The following GRM7 variants were observed in gnomAD, a reference collection of about 807,000 sequenced individuals.
The protein encoded by GRM7 is metabotropic glutamate receptor 7.
GRM7 carries 35 observed loss-of-function variants against 84.5 expected under a neutral mutation model. The observed-to-expected ratio is 0.41, with a 90% CI of 0.32 to 0.55. The LOEUF (loss-of-function observed/expected upper bound fraction) is 0.55. Among genes scored for constraint, GRM7 ranks in the 20% least tolerant of loss-of-function variants. The pLI is 0.19. For missense variants in GRM7, 1,003 were observed against 1,194.6 expected, an observed-to-expected ratio of 0.84 and a Z score of 2.36; for synonymous variants, 487 against 455.1, an observed-to-expected ratio of 1.07 and a Z score of -0.89.
chr3:7,244,475 C>T (rs1697682160), intron 2 of GRM7, among the ~76,000 whole-genome samples: 1 of 152,058 alleles, frequency 6.6e-6, no homozygotes, highest in Non-Finnish European at 1.5e-5. Context: ...ACTTCAAAGT[C>T]TCAGCAGATA....
intron 2 of GRM7, among the ~76,000 whole-genome samples, chr3:7,178,547 G>T (rs1015599894): frequency 8.5e-5 from 13 of 152,194 alleles, no homozygotes; most frequent in African/African-American, 2.9e-4. Context: ...TGTTTGGTTT[G>T]TATAGGTTTA....
At chr3:7,611,053 C>A (rs1011751007) in intron 8 of GRM7, among the ~76,000 whole-genome samples, 3 of 152,094 alleles carry the variant, frequency 2.0e-5, no homozygotes, top group African/African-American at 7.2e-5. Context: ...TATTGAATAG[C>A]CTTGTGTCTT....
chr3:7,119,516 A>G (rs1039651994), intron 1 of GRM7, among the ~76,000 whole-genome samples: 1 of 152,182 alleles, frequency 6.6e-6, no homozygotes, highest in Non-Finnish European at 1.5e-5. Flanking sequence ...AACATAAAAC[A>G]ATTACACTCT....
intron 4 of GRM7, among the ~76,000 whole-genome samples, chr3:7,349,869 T>G (rs1037550180): frequency 6.6e-5 from 10 of 152,140 alleles, no homozygotes; most frequent in African/African-American, 2.4e-4. Flanking sequence ...TTAGGTTAGA[T>G]TCCTCCTCTT....
intron 1 of GRM7, among the ~76,000 whole-genome samples, chr3:6,929,598 G>GTCTA (rs1490719353): frequency 2.0e-5 from 3 of 152,030 alleles, no homozygotes; most frequent in African/African-American, 7.2e-5. Flanking sequence ...GATTACCAGT[G>GTCTA]CATATTGTCT....
intron 1 of GRM7, among the ~76,000 whole-genome samples, chr3:7,090,392 T>C (rs1212159168): frequency 2.0e-5 from 3 of 152,020 alleles, no homozygotes; most frequent in African/African-American, 7.2e-5. Flanking sequence ...TAAGTGACAC[T>C]GAGAATGAGA....
At chr3:7,371,554 A>G (rs891674329) in intron 4 of GRM7, among the ~76,000 whole-genome samples, 3 of 152,308 alleles carry the variant, frequency 2.0e-5, no homozygotes, top group African/African-American at 4.8e-5. Flanking sequence ...GATTGTTTAT[A>G]ATGTGCTAGG....
rs111370266 is a variant in GRM7, at chr3:7,624,537, C to A, written c.2451+45180C>A. Among the ~76,000 whole-genome samples, 332 of 152,208 alleles carry A rather than the reference C, an allele frequency of 2.2e-3. 5 individuals are homozygous for A. Among genetic ancestry groups the A allele is most frequent in the African/African-American group, 7.7e-3 (318 of 41,524 alleles). On this transcript the variant is annotated intron_variant, in intron 8 of 9. Coordinates refer to ENST00000357716, the MANE Select transcript of GRM7 (RefSeq NM_000844.4). ...ATATATTGCTTCCAGGATGCACAAC[C>A]CTTCCCAGACACTACAAAATTGTAA...
At chr3:7,592,457 A>G (rs1021503948) in intron 8 of GRM7, among the ~76,000 whole-genome samples, 2 of 152,188 alleles carry the variant, frequency 1.3e-5, no homozygotes, top group East Asian at 3.9e-4. Context: ...TGTCAAGGCT[A>G]TTTGGGAAAT....
intron 2 of GRM7, among the ~76,000 whole-genome samples, chr3:7,199,221 A>G (rs184270692): frequency 1.0e-3 from 153 of 152,312 alleles, no homozygotes; most frequent in Middle Eastern, 6.8e-3. Context: ...TCTCTTGGGA[A>G]TCTGTTCACC....
intron 1 of GRM7, among the ~76,000 whole-genome samples, chr3:6,879,450 A>G (rs1695429159): frequency 6.6e-6 from 1 of 152,072 alleles, no homozygotes; most frequent in Non-Finnish European, 1.5e-5. Context: ...AACACACTAC[A>G]CCCTTACCTG....
intron 4 of GRM7, among the ~76,000 whole-genome samples, chr3:7,334,137 A>G (rs1469253944): frequency 6.6e-6 from 1 of 152,124 alleles, no homozygotes; most frequent in Non-Finnish European, 1.5e-5. Context: ...TAAAAAGATG[A>G]TCACCTAGGC....
At chr3:7,032,200 CT>C (rs1303646143) in intron 1 of GRM7, among the ~76,000 whole-genome samples, 1 of 152,154 alleles carries the variant, frequency 6.6e-6, no homozygotes, top group Non-Finnish European at 1.5e-5. Flanking sequence ...GTATGTAGGC[CT>C]TCTGCTGGAG....
intron 9 of GRM7, chr3:7,690,947 C>T (rs192545251): frequency 1.1e-4 from 35 of 306,650 alleles, no homozygotes; most frequent in Middle Eastern, 1.2e-3. Flanking sequence ...TTCTTTCCCC[C>T]AATCATTGTG....
At chr3:7,104,322 G>A (rs2125026257) in intron 1 of GRM7, among the ~76,000 whole-genome samples, 1 of 151,786 alleles carries the variant, frequency 6.6e-6, no homozygotes, top group East Asian at 1.9e-4. Flanking sequence ...AACAGAACAT[G>A]ACCATGTTGG....
intron 4 of GRM7, among the ~76,000 whole-genome samples, chr3:7,358,545 AT>A (rs1163997630): frequency 6.7e-6 from 1 of 148,442 alleles, no homozygotes; most frequent in Non-Finnish European, 1.5e-5. Flanking sequence ...TTTCTGAAAA[AT>A]TCACAATATA....
chr3:7,609,498 C>A (rs1485171), intron 8 of GRM7, among the ~76,000 whole-genome samples: 23,988 of 151,844 alleles, frequency 0.16, 1,874 homozygotes, highest in Admixed American at 0.17. Context: ...GTGAAACTTG[C>A]AGAGCTCGTG....
At chr3:6,946,331 T>G (rs1436781112) in intron 1 of GRM7, among the ~76,000 whole-genome samples, 2 of 152,242 alleles carry the variant, frequency 1.3e-5, no homozygotes, top group African/African-American at 4.8e-5. Flanking sequence ...TTTCCCCATT[T>G]CTTGTTTTTG....
intron 2 of GRM7, among the ~76,000 whole-genome samples, chr3:7,148,608 C>A (rs139187998): frequency 3.9e-5 from 6 of 152,244 alleles, no homozygotes; most frequent in Non-Finnish European, 5.9e-5. Context: ...TGGTGACTTT[C>A]ACATGGTTGT....
Sources: allele counts gnomAD v4.1 joint callset (sites outside exome capture counted in the v4.1 genomes callset), GRCh38; gene constraint gnomAD v4.1.1; transcripts MANE v1.5; gene names NCBI Gene and HGNC (gene_info 2026-07-23, HGNC 2026-07-21).